PTPRD: variants seen among roughly 807,000 people sequenced by gnomAD.
PTPRD encodes the protein receptor-type tyrosine-protein phosphatase delta.
Under a neutral mutation model 214.5 loss-of-function variants are expected in PTPRD, and 34 were observed. The ratio of observed to expected loss-of-function variants is 0.16; its 90% CI spans 0.12 to 0.21. PTPRD has a LOEUF of 0.21. Among genes scored for constraint, PTPRD ranks in the 10% least tolerant of loss-of-function variants. The pLI is 1.00. For synonymous variants in PTPRD, 1,128 were observed against 845.7 expected (o/e 1.33, Z -5.79); for missense variants, 2,545 against 2,398.7 (o/e 1.06, Z -1.27).
At chr9:9,519,332 A>C (rs1216000842) in intron 8 of PTPRD, among the ~76,000 whole-genome samples, 2 of 143,284 alleles carry the variant, frequency 1.4e-5, no homozygotes, top group Non-Finnish European at 3.0e-5. Flanking sequence ...AGTAGAAGAA[A>C]GACAATGAAA....
At chr9:8,568,521 G>C (rs2090111010) in intron 14 of PTPRD, among the ~76,000 whole-genome samples, 1 of 152,102 alleles carries the variant, frequency 6.6e-6, no homozygotes, top group Non-Finnish European at 1.5e-5. Context: ...AGTTTTGAAA[G>C]GCTGATTATT....
At chr9:10,603,729 T>A (rs1052543524) in intron 2 of PTPRD, among the ~76,000 whole-genome samples, 2 of 151,828 alleles carry the variant, frequency 1.3e-5, no homozygotes, top group African/African-American at 4.8e-5. Flanking sequence ...TTACCTTCTA[T>A]CTGAAGATTT....
chr9:9,439,848 T>G (rs2086817186), intron 8 of PTPRD, among the ~76,000 whole-genome samples: 1 of 152,222 alleles, frequency 6.6e-6, no homozygotes, highest in Non-Finnish European at 1.5e-5. Context: ...TATCCCATTT[T>G]GTAGATGAGG....
intron 8 of PTPRD, among the ~76,000 whole-genome samples, chr9:9,453,969 A>G (rs561751278): frequency 8.5e-4 from 129 of 151,806 alleles, no homozygotes; most frequent in African/African-American, 3.0e-3. Context: ...TCATTTCTCT[A>G]TATCTGTCAT....
At position 8,353,917 on chromosome 9, in the gene PTPRD, T is replaced by G. The variant is rs1425543024; in HGVS notation, c.4662-11939A>C. Among the ~76,000 whole-genome samples, 2 of 138,152 alleles carry G rather than the reference T, an allele frequency of 1.4e-5. 1 individual carries two copies. Among genetic ancestry groups the G allele is most frequent in the South Asian group, 4.4e-4 (2 of 4,592 alleles). 90.6% of individuals were successfully genotyped at this position (138,152 alleles called of 152,430 possible). A position where few individuals can be genotyped will look rare whatever the true frequency, so the allele number is the denominator to read the frequency against. On this transcript the variant is annotated intron_variant, in intron 39 of 45. Coordinates refer to ENST00000381196, the MANE Select transcript of PTPRD (RefSeq NM_002839.4). ...GTATATATGTATATATGTGTATATA[T>G]GTATATATATGTGTGTGTACATATA...
At chr9:10,335,713 T>C (rs1439697765) in intron 3 of PTPRD, among the ~76,000 whole-genome samples, 1 of 151,660 alleles carries the variant, frequency 6.6e-6, no homozygotes, top group African/African-American at 2.4e-5. Context: ...AGGAATGTTA[T>C]CTAAAATATA....
At chr9:9,484,203 A>G (rs1025305476) in intron 8 of PTPRD, among the ~76,000 whole-genome samples, 2 of 147,388 alleles carry the variant, frequency 1.4e-5, no homozygotes, top group South Asian at 2.1e-4. Context: ...ATAGAATACT[A>G]TACAGCAAAA....
At chr9:9,703,110 A>G (rs1356412493) in intron 7 of PTPRD, among the ~76,000 whole-genome samples, 1 of 152,080 alleles carries the variant, frequency 6.6e-6, no homozygotes, top group African/African-American at 2.4e-5. Context: ...CAGTTCCCCT[A>G]TGCTGTTCTC....
chr9:8,484,103 C>G lies in PTPRD; in HGVS notation c.3413+16G>C, dbSNP rs138225162. ...TATAATTCTTTCCTTCAGCCCTAAG[C>G]CTTCAATCAACTTACTTTATATTCT... On this transcript the variant is annotated intron_variant, in intron 30 of 45. Transcript: ENST00000381196. 1.7e-4 allele frequency: 280 copies of G among 1,609,438 alleles called. No homozygotes were observed. The East Asian group carries it at 6.0e-3, about 34-fold the overall frequency.
chr9:9,275,199 T>TATATATATATGTTATATATATA (rs1491465404), intron 9 of PTPRD, among the ~76,000 whole-genome samples: 1 of 10,394 alleles, frequency 9.6e-5, no homozygotes, highest in African/African-American at 2.4e-4. Flanking sequence ...TATATATATA[T>TATATATATATGTTATATATATA]TATATATATA....
intron 2 of PTPRD, among the ~76,000 whole-genome samples, chr9:10,480,376 T>C (rs922504576): frequency 2.6e-5 from 4 of 152,130 alleles, no homozygotes; most frequent in African/African-American, 9.7e-5. Flanking sequence ...ATAAGGGGAA[T>C]GAAGCAAGCT....
intron 11 of PTPRD, among the ~76,000 whole-genome samples, chr9:8,931,698 T>A (rs2098953781): frequency 6.6e-6 from 1 of 151,876 alleles, no homozygotes. Context: ...TAGGGAGGAG[T>A]CTCTCTTTTT....
In PTPRD at chr9:9,942,263, A is replaced by T. The variant is rs144281376; in HGVS notation, c.-471-3653T>A. Among the ~76,000 whole-genome samples the T allele has an allele frequency of 5.0e-3, 760 of 152,256 alleles. 5 individuals carry two copies. The highest frequency in any genetic ancestry group is 0.017 in the African/African-American group (721 of 41,574). On this transcript the variant is annotated intron_variant, in intron 4 of 45. Transcript: ENST00000381196. ...TTTAAAAAAATTCAATGATTTACCAATATTATGGGTCTTACATTTTTCACT... is the reference window on the plus strand; with the variant it reads ...TTTAAAAAAATTCAATGATTTACCATTATTATGGGTCTTACATTTTTCACT...
At chr9:8,374,114 C>CTGTGTGTG (rs6150905) in intron 39 of PTPRD, among the ~76,000 whole-genome samples, 8 of 142,800 alleles carry the variant, frequency 5.6e-5, no homozygotes, top group African/African-American at 1.0e-4. Context: ...ACACACGTGT[C>CTGTGTGTG]TGTGTGTGTG....
At chr9:10,478,321 A>C (rs2757853) in intron 2 of PTPRD, among the ~76,000 whole-genome samples, 1 of 152,066 alleles carries the variant, frequency 6.6e-6, no homozygotes. Flanking sequence ...AAAATATAAA[A>C]TATGAATTTT....
chr9:10,063,928 T>C (rs1015302225), intron 3 of PTPRD, among the ~76,000 whole-genome samples: 1 of 152,006 alleles, frequency 6.6e-6, no homozygotes, highest in African/African-American at 2.4e-5. Flanking sequence ...TATTAGCCAG[T>C]ATTATGACTA....
chr9:8,681,572 C>T (rs568734064), intron 12 of PTPRD, among the ~76,000 whole-genome samples: 59 of 152,262 alleles, frequency 3.9e-4, no homozygotes, highest in African/African-American at 1.2e-3. Flanking sequence ...CATACACACA[C>T]GTATCTAGAC....
intron 7 of PTPRD, among the ~76,000 whole-genome samples, chr9:9,687,293 C>G (rs931771311): frequency 6.6e-6 from 1 of 151,750 alleles, no homozygotes; most frequent in East Asian, 1.9e-4. Context: ...ACAGGATCTA[C>G]TAAAATAAAC....
intron 11 of PTPRD, among the ~76,000 whole-genome samples, chr9:8,966,256 T>A (rs987456820): frequency 6.6e-6 from 1 of 152,014 alleles, no homozygotes; most frequent in Non-Finnish European, 1.5e-5. Context: ...AAACTGCTAA[T>A]ATTCATATTG....
Sources: allele counts gnomAD v4.1 joint callset (sites outside exome capture counted in the v4.1 genomes callset), GRCh38; gene constraint gnomAD v4.1.1; transcripts MANE v1.5; gene names NCBI Gene and HGNC (gene_info 2026-07-23, HGNC 2026-07-21).